The following FAT3 variants were observed in gnomAD, a reference collection of about 807,000 sequenced individuals.
FAT3 encodes FAT atypical cadherin 3.
A neutral mutation model predicts 310.2 loss-of-function variants in FAT3; 95 were observed. The observed-to-expected ratio is 0.31, with a 90% CI of 0.26 to 0.36. FAT3 has a LOEUF of 0.36. FAT3 is among the 10% of genes least tolerant of loss of function. The pLI, the probability that FAT3 is intolerant of heterozygous loss-of-function variation, is 1.00. For missense variants in FAT3, 5,408 were observed against 5,715.6 expected, an observed-to-expected ratio of 0.95 and a Z score of 1.74; for synonymous variants, 2,314 against 2,192.9, an observed-to-expected ratio of 1.06 and a Z score of -1.54.
intron 2 of FAT3, among the ~76,000 whole-genome samples, chr11:92,356,517 A>G (rs1948734247): frequency 6.6e-6 from 1 of 152,206 alleles, no homozygotes; most frequent in East Asian, 1.9e-4. Context: ...GCACCAGCAC[A>G]GTCAAGATGA....
At chr11:92,469,499 T>C (rs1374542178) in intron 2 of FAT3, among the ~76,000 whole-genome samples, 3 of 152,108 alleles carry the variant, frequency 2.0e-5, no homozygotes, top group Non-Finnish European at 4.4e-5. Context: ...TAAAGCTTAT[T>C]TTAAAATGTT....
rs370109820 is a variant in FAT3 at position 92,235,726 on chromosome 11, T to C, written c.-18+10552T>C. Among the ~76,000 whole-genome samples, 5 of 152,294 alleles carry C rather than the reference T, an allele frequency of 3.3e-5. No individual in the cohort carries two copies. The South Asian group carries it at 8.3e-4, about 25-fold the overall frequency. On this transcript the variant is annotated intron_variant, in intron 1 of 27. Transcript: ENST00000525166. ...TACTTCTGAGGTCCACATTTCACAGTTGGAGGAAAGATCCTCTAGGCATAA... is the reference window on the plus strand; with the variant it reads ...TACTTCTGAGGTCCACATTTCACAGCTGGAGGAAAGATCCTCTAGGCATAA...
At chr11:92,256,852 A>G (rs982371755) in intron 1 of FAT3, among the ~76,000 whole-genome samples, 1 of 152,118 alleles carries the variant, frequency 6.6e-6, no homozygotes, top group African/African-American at 2.4e-5. Flanking sequence ...TGCAGCCAGG[A>G]TATGAATCCA....
intron 1 of FAT3, among the ~76,000 whole-genome samples, chr11:92,306,956 A>G (rs112443422): frequency 0.025 from 3,657 of 144,974 alleles, 165 homozygotes; most frequent in African/African-American, 0.087. Context: ...ATGTCCGGCT[A>G]TTTTTTTTTT....
In FAT3 at chr11:92,412,734, T is replaced by TATATACAC. The variant is rs1555038577; in HGVS notation, c.3292+57335_3292+57336insCACATATA. The stretch of plus-strand genomic sequence containing the variant: ...ATATATATATATATATATATATATA[T>TATATACAC]ATATATATATAAATATACATACATA... On this transcript the variant is annotated intron_variant, in intron 2 of 27. Coordinates refer to ENST00000525166, the MANE Select transcript of FAT3 (RefSeq NM_001367949.2). Among the ~76,000 whole-genome samples, 26 of 11,878 alleles carry TATATACAC rather than the reference T, an allele frequency of 2.2e-3. 1 individual carries two copies. Among genetic ancestry groups the TATATACAC allele is most frequent in the Non-Finnish European group, 4.3e-3 (18 of 4,158 alleles). The allele number at this position is 11,878 out of a possible 152,430, so 7.8% of individuals were successfully genotyped here.
intron 4 of FAT3, among the ~76,000 whole-genome samples, chr11:92,729,073 G>A (rs369657842): frequency 6.6e-6 from 1 of 152,128 alleles, no homozygotes; most frequent in East Asian, 1.9e-4. Flanking sequence ...TCACAGAAAG[G>A]GGCCCAAGTC....
rs1393877287 is a variant in FAT3, at chr11:92,882,885, C to T, written c.12429C>T (p.Ile4143=). 6.2e-7 allele frequency: 1 copy of T among 1,612,536 alleles called. No homozygotes were observed. Among genetic ancestry groups the T allele is most frequent in the Admixed American group, 1.7e-5 (1 of 59,800 alleles). ...CGLRPVVVPN[I]QAGHSYVGKE... is the part of the protein sequence containing the mutation. ...TGCGCCCCGTGGTGGTACCCAATAT[C>T]CAGGCTGGCCACTCCTACGTGGGGA... Residue 4143 remains isoleucine, a synonymous_variant, in exon 24 of 28, where the codon ATC becomes ATT. Transcript: ENST00000525166.
chr11:92,807,485 G>A (rs555304856), intron 12 of FAT3, among the ~76,000 whole-genome samples: 3 of 152,130 alleles, frequency 2.0e-5, no homozygotes, highest in Non-Finnish European at 2.9e-5. Context: ...TTAGCATCAA[G>A]TAAGCGGACA....
intron 3 of FAT3, among the ~76,000 whole-genome samples, chr11:92,685,367 C>T (rs1385715002): frequency 2.0e-5 from 3 of 152,090 alleles, no homozygotes; most frequent in African/African-American, 7.2e-5. Flanking sequence ...GAACCTGTAA[C>T]ATTTTATGTT....
chr11:92,519,913 T>C (rs1953627787), intron 2 of FAT3, among the ~76,000 whole-genome samples: 1 of 152,150 alleles, frequency 6.6e-6, no homozygotes, highest in African/African-American at 2.4e-5. Flanking sequence ...ACCCTCCACA[T>C]TCACTGCCAG....
rs928456752 is a variant in FAT3, at chr11:92,880,870, G to A, written c.12267G>A (p.Gly4089=). The A allele has an allele frequency of 1.2e-6, 2 of 1,613,778 alleles. No individual in the cohort carries two copies. Among genetic ancestry groups the A allele is most frequent in the Non-Finnish European group, 1.7e-6 (2 of 1,179,774 alleles). The part of the protein sequence containing the change: ...GNTFICNCKA[G]LTGVTCEEDI... Reference sequence around the variant, plus strand: ...CTTTCATCTGCAATTGTAAAGCTGGGCTCACTGGAGTCACGTAAGTGAGAT... The same window carrying A: ...CTTTCATCTGCAATTGTAAAGCTGGACTCACTGGAGTCACGTAAGTGAGAT... Residue 4089 remains glycine (G), a synonymous_variant, in exon 23 of 28, where the codon GGG becomes GGA. Transcript: ENST00000525166.
chr11:92,404,183 G>A (rs1279918238), intron 2 of FAT3, among the ~76,000 whole-genome samples: 2 of 151,902 alleles, frequency 1.3e-5, no homozygotes, highest in Non-Finnish European at 2.9e-5. Flanking sequence ...TCAAGGATCT[G>A]TATATGTCAG....
chr11:92,717,238 C>T (rs1944719059), intron 4 of FAT3, among the ~76,000 whole-genome samples: 1 of 152,214 alleles, frequency 6.6e-6, no homozygotes, highest in Non-Finnish European at 1.5e-5. Flanking sequence ...TATTCAATAA[C>T]TATTTTGCTC....
intron 3 of FAT3, among the ~76,000 whole-genome samples, chr11:92,563,895 A>G (rs557524135): frequency 1.4e-3 from 210 of 152,284 alleles, no homozygotes; most frequent in South Asian, 4.6e-3. Flanking sequence ...AGCACTAAAC[A>G]TGGAAAGGAA....
At chr11:92,754,295 GTA>G (rs1470449110) in intron 4 of FAT3, among the ~76,000 whole-genome samples, 1 of 151,978 alleles carries the variant, frequency 6.6e-6, no homozygotes, top group Non-Finnish European at 1.5e-5. Flanking sequence ...GACTATGTTT[GTA>G]TATATACACA....
intron 3 of FAT3, among the ~76,000 whole-genome samples, chr11:92,693,360 T>C (rs778970167): frequency 3.9e-5 from 6 of 152,244 alleles, no homozygotes; most frequent in Non-Finnish European, 7.3e-5. Flanking sequence ...TACAGTTACA[T>C]GTGTAATGCA....
chr11:92,794,401 T>C (rs138039483), intron 9 of FAT3, among the ~76,000 whole-genome samples: 110 of 152,326 alleles, frequency 7.2e-4, no homozygotes, highest in African/African-American at 2.5e-3. Context: ...GTCACTGTAA[T>C]TATTTAGATA....
At chr11:92,305,586 A>G (rs1280700631) in intron 1 of FAT3, among the ~76,000 whole-genome samples, 2 of 152,278 alleles carry the variant, frequency 1.3e-5, no homozygotes, top group Admixed American at 6.5e-5. Context: ...GATCAAAGTT[A>G]GTATCATCAG....
intron 3 of FAT3, among the ~76,000 whole-genome samples, chr11:92,675,284 T>C (rs1188131144): frequency 1.3e-5 from 2 of 152,200 alleles, no homozygotes; most frequent in Non-Finnish European, 2.9e-5. Context: ...AGTTCCTAAA[T>C]GTATAGCTTG....
Sources: gnomAD v4.1 joint callset for allele counts (sites outside exome capture counted in the v4.1 genomes callset) on GRCh38, gnomAD v4.1.1 for gene constraint, MANE v1.5 for transcripts, NCBI Gene and HGNC (gene_info 2026-07-23, HGNC 2026-07-21) for gene names.